Variants in SHISA9 observed in about 807,000 individuals in gnomAD.
The protein encoded by SHISA9 is protein shisa-9.
A neutral mutation model predicts 38.0 loss-of-function variants in SHISA9; 13 were observed. The ratio of observed to expected loss-of-function variants is 0.34; its 90% confidence interval spans 0.22 to 0.54. The LOEUF is 0.54. Among genes scored for constraint, SHISA9 ranks in the 20% least tolerant of loss-of-function variants. SHISA9 has a pLI of 0.91. For missense variants in SHISA9, 538 were observed against 575.8 expected (o/e 0.93, Z 0.67); for synonymous variants, 275 against 242.0 (o/e 1.14, Z -1.27).
the SHISA9 span, among the ~76,000 whole-genome samples, chr16:13,493,013 A>G: frequency 6.6e-6 from 1 of 152,162 alleles, no homozygotes; most frequent in Non-Finnish European, 1.5e-5. Context: ...CTGCTGCAAG[A>G]GGATAGATCT....
chr16:13,076,953 C>T (rs182477044), intron 2 of SHISA9, among the ~76,000 whole-genome samples: 6 of 152,266 alleles, frequency 3.9e-5, no homozygotes, highest in East Asian at 3.9e-4. Context: ...GACCTTAGCT[C>T]GTAGTGTCAA....
At chr16:13,117,531 G>T (rs945578679) in intron 2 of SHISA9, among the ~76,000 whole-genome samples, 1 of 152,160 alleles carries the variant, frequency 6.6e-6, no homozygotes, top group African/African-American at 2.4e-5. Context: ...CAGATTATCT[G>T]CCTAGGCCCT....
chr16:13,036,433 T>C (rs756066350), intron 2 of SHISA9, among the ~76,000 whole-genome samples: 6 of 152,182 alleles, frequency 3.9e-5, no homozygotes, highest in African/African-American at 1.4e-4. Context: ...TGAAATCTAG[T>C]GTCCGAAGGC....
chr16:13,447,952 C>T, the SHISA9 span, among the ~76,000 whole-genome samples: 2 of 152,282 alleles, frequency 1.3e-5, no homozygotes, highest in Admixed American at 6.5e-5. Context: ...GTGAGGGTGA[C>T]GATCATGTGC....
At chr16:13,544,937 C>T in the SHISA9 span, among the ~76,000 whole-genome samples, 12 of 151,396 alleles carry the variant, frequency 7.9e-5, no homozygotes, top group East Asian at 1.7e-3. Context: ...AGTGAGACTC[C>T]GTCAAAAAAA....
At chr16:13,254,396 A>G in the SHISA9 span, among the ~76,000 whole-genome samples, 1 of 152,170 alleles carries the variant, frequency 6.6e-6, no homozygotes, top group Non-Finnish European at 1.5e-5. Flanking sequence ...TTCCAGCATG[A>G]CCATCAGTTC....
At chr16:13,110,875 C>T (rs1296781330) in intron 2 of SHISA9, among the ~76,000 whole-genome samples, 1 of 152,156 alleles carries the variant, frequency 6.6e-6, no homozygotes. Context: ...GTAACTGATC[C>T]TCCCCTCATG....
chr16:13,209,112 T>A (rs570387979), intron 3 of SHISA9, among the ~76,000 whole-genome samples: 7 of 152,324 alleles, frequency 4.6e-5, no homozygotes, highest in Non-Finnish European at 8.8e-5. Flanking sequence ...ACACAGATAA[T>A]GGCTTAGAAA....
chr16:13,382,323 T>G, the SHISA9 span, among the ~76,000 whole-genome samples: 1 of 149,362 alleles, frequency 6.7e-6, no homozygotes, highest in Non-Finnish European at 1.5e-5. Flanking sequence ...AGGACAGGAG[T>G]TCGAGACCAG....
the SHISA9 span, among the ~76,000 whole-genome samples, chr16:13,428,231 T>C: frequency 6.6e-6 from 1 of 151,822 alleles, no homozygotes; most frequent in African/African-American, 2.4e-5. Context: ...AGAGTATCCT[T>C]CTAACCTAGC....
At chr16:13,522,554 G>C in the SHISA9 span, among the ~76,000 whole-genome samples, 1 of 152,008 alleles carries the variant, frequency 6.6e-6, no homozygotes, top group Non-Finnish European at 1.5e-5. Context: ...CATTCCACCT[G>C]TGCCTATTTC....
At chr16:13,340,847 G>T in the SHISA9 span, among the ~76,000 whole-genome samples, 1 of 152,062 alleles carries the variant, frequency 6.6e-6, no homozygotes. Flanking sequence ...TGTTCCTTCT[G>T]CAGGGAACAC....
intron 2 of SHISA9, among the ~76,000 whole-genome samples, chr16:13,181,617 G>A (rs1039025892): frequency 1.3e-5 from 2 of 151,934 alleles, no homozygotes; most frequent in East Asian, 1.9e-4. Context: ...TCTGAAGCAG[G>A]GGAATGATGT....
At chr16:13,416,791 G>GGAAGGAA in the SHISA9 span, among the ~76,000 whole-genome samples, 148 of 73,024 alleles carry the variant, frequency 2.0e-3, 2 homozygotes, top group Non-Finnish European at 3.1e-3. Flanking sequence ...AAGGAAGGAA[G>GGAAGGAA]GGAAGGAAGG....
the SHISA9 span, among the ~76,000 whole-genome samples, chr16:13,402,296 T>C: frequency 6.6e-6 from 1 of 151,912 alleles, no homozygotes; most frequent in Non-Finnish European, 1.5e-5. Context: ...CAATGGTAAA[T>C]TTCCCTGTCT....
Position 13,176,414 on chromosome 16 carries a change from C to A in SHISA9, c.692-26980C>A, listed in dbSNP as rs1301531474. On this transcript the variant is annotated intron_variant, in intron 2 of 4. Coordinates refer to ENST00000558583, the MANE Select transcript of SHISA9 (RefSeq NM_001145204.3). ...CACCACGCCTACTTCTCTACCTCCTCGTCCTGACCCCAAAGTCTTTCCAGG... is the reference window on the plus strand; with the variant it reads ...CACCACGCCTACTTCTCTACCTCCTAGTCCTGACCCCAAAGTCTTTCCAGG... 2.0e-5 allele frequency among the ~76,000 whole-genome samples: 3 copies of A among 152,220 alleles called. No homozygotes were observed. In the East Asian group the frequency reaches 5.8e-4, roughly 29 times the overall value.
chr16:13,400,970 T>C, the SHISA9 span, among the ~76,000 whole-genome samples: 1 of 152,184 alleles, frequency 6.6e-6, no homozygotes. Flanking sequence ...CAACCTCTCC[T>C]AGCAGGTGAG....
intron 2 of SHISA9, among the ~76,000 whole-genome samples, chr16:13,086,965 C>T (rs1311846464): frequency 7.6e-6 from 1 of 132,390 alleles, no homozygotes; most frequent in Non-Finnish European, 1.6e-5. Context: ...CCTCCCCAAG[C>T]CCCCCACCCC....
At chr16:12,967,450 C>G (rs938903933) in intron 2 of SHISA9, among the ~76,000 whole-genome samples, 7 of 151,976 alleles carry the variant, frequency 4.6e-5, no homozygotes, top group Non-Finnish European at 8.8e-5. Context: ...AGGAGATATA[C>G]CTAATGCTAA....
Sources: allele counts gnomAD v4.1 joint callset (sites outside exome capture counted in the v4.1 genomes callset), GRCh38; gene constraint gnomAD v4.1.1; transcripts MANE v1.5; gene names NCBI Gene and HGNC (gene_info 2026-07-23, HGNC 2026-07-21).